The following METTL4 variants were observed in gnomAD, a reference collection of about 807,000 sequenced individuals.
The protein encoded by METTL4 is methyltransferase 4, N6-adenosine.
Under a neutral mutation model 54.0 loss-of-function variants are expected in METTL4, and 40 were observed. That is an observed-to-expected ratio of 0.74 (90% CI 0.58 to 0.96). The LOEUF (loss-of-function observed/expected upper bound fraction) is 0.96. METTL4 is among the 50% of genes least tolerant of loss of function. The probability of loss-of-function intolerance (pLI) is 0.00; values close to 1 mark genes in which losing one functional copy is unlikely to be tolerated. For synonymous variants in METTL4, 169 were observed against 183.8 expected (o/e 0.92, Z 0.65); for missense variants, 525 against 549.0 (o/e 0.96, Z 0.44).
chr18:2,552,965 T>A (rs1048846396), intron 4 of METTL4: 1 of 511,936 alleles, frequency 2.0e-6, no homozygotes. Flanking sequence ...TAGAATTGTA[T>A]CATAATGTTA....
At chr18:2,551,020 C>T (rs1459156415) in intron 5 of METTL4, among the ~76,000 whole-genome samples, 2 of 151,194 alleles carry the variant, frequency 1.3e-5, no homozygotes, top group East Asian at 1.9e-4. Flanking sequence ...AAAAATTAGC[C>T]GGGCGTGGTA....
chr18:2,555,099 G>T, intron 3 of METTL4, 61 bp from the exon 4 acceptor site: 1 of 1,472,456 alleles, frequency 6.8e-7, no homozygotes, highest in Non-Finnish European at 9.3e-7. Context: ...CATTGACTGT[G>T]CTTTGAATAT....
In METTL4 at chr18:2,567,140, A is replaced by G; in HGVS notation, c.77T>C (p.Leu26Pro). The G allele has an allele frequency of 1.2e-6, 2 of 1,614,110 alleles. No homozygotes were observed. The highest frequency in any genetic ancestry group is 1.7e-5 in the Admixed American group (1 of 60,010). Reference sequence around the variant, plus strand: ...GCAACAAGGTTCATGATGCTGGTGAAGTTGATAGTTTATCTTGTTGATAAA... The same window carrying G: ...GCAACAAGGTTCATGATGCTGGTGAGGTTGATAGTTTATCTTGTTGATAAA... ...LSFINKINYQLHQHHEPCCRK... is the reference protein window; with the variant it reads ...LSFINKINYQPHQHHEPCCRK... Residue 26 changes from leucine to proline, a missense_variant, in exon 2 of 9, where the codon CTT becomes CCT. By Grantham distance (98) the Leu-to-Pro change is moderately conservative (BLOSUM62 -3). Transcript: ENST00000574538.
At chr18:2,540,739 C>T in intron 8 of METTL4, 1 of 985,396 alleles carries the variant, frequency 1.0e-6, no homozygotes, top group Non-Finnish European at 1.2e-6. Context: ...CATTTTCTTC[C>T]CATGAATTTA....
At chr18:2,563,724 T>C in intron 3 of METTL4, 73 bp downstream of exon 3, 1 of 1,094,544 alleles carries the variant, frequency 9.1e-7, no homozygotes, top group South Asian at 1.5e-5. Context: ...AAAATCCTTA[T>C]TTATGTTGTC....
In METTL4 at chr18:2,554,660, A is replaced by C; in HGVS notation, c.829+9T>G. The C allele has an allele frequency of 6.3e-7, 1 of 1,583,792 alleles. No homozygotes were observed. The highest frequency in any genetic ancestry group is 8.5e-7 in the Non-Finnish European group (1 of 1,172,804). ...TCTTTTTCTAATAACAAACACAATAATTACTTACAGTTTAGAAGTGGTTGC... is the reference window on the plus strand; with the variant it reads ...TCTTTTTCTAATAACAAACACAATACTTACTTACAGTTTAGAAGTGGTTGC... On this transcript the variant is annotated intron_variant, in intron 4 of 8. Transcript: ENST00000574538.
Position 2,554,775 on chromosome 18 carries a change from G to A in METTL4, c.723C>T (p.Asn241=). The change falls in exon 4 of 9, where the codon AAC becomes AAT. Residue 241 remains asparagine, a synonymous_variant. Transcript: ENST00000574538. ...AAGTAATCACTTTTGTAAAGCTAGAGTTGTTTTCAACAACTCGCAAAAATA... is the reference window on the plus strand; with the variant it reads ...AAGTAATCACTTTTGTAAAGCTAGAATTGTTTTCAACAACTCGCAAAAATA... ...QDLFLRVVEN[N]SSFTKVITLM... is the part of the protein sequence containing the mutation. 6.2e-7 allele frequency: 1 copy of A among 1,613,862 alleles called. No individual in the cohort carries two copies. The highest frequency in any genetic ancestry group is 8.5e-7 in the Non-Finnish European group (1 of 1,179,872).
At chr18:2,558,043 C>G (rs2072263921) in intron 3 of METTL4, among the ~76,000 whole-genome samples, 1 of 152,176 alleles carries the variant, frequency 6.6e-6, no homozygotes, top group Non-Finnish European at 1.5e-5. Context: ...CACAGAAGTT[C>G]TGAAAAACAC....
At chr18:2,558,930 C>G (rs1194105057) in intron 3 of METTL4, among the ~76,000 whole-genome samples, 1 of 152,266 alleles carries the variant, frequency 6.6e-6, no homozygotes, top group African/African-American at 2.4e-5. Flanking sequence ...TGAGATACTA[C>G]TCCACACCTA....
chr18:2,564,794 T>C (rs2072377430), intron 2 of METTL4, among the ~76,000 whole-genome samples: 1 of 152,236 alleles, frequency 6.6e-6, no homozygotes, highest in Non-Finnish European at 1.5e-5. Flanking sequence ...TTCCATGTTA[T>C]AAGAAATTTA....
chr18:2,543,512 A>G (rs2072025371), intron 8 of METTL4, among the ~76,000 whole-genome samples: 1 of 152,184 alleles, frequency 6.6e-6, no homozygotes, highest in African/African-American at 2.4e-5. Flanking sequence ...TCACAACTCT[A>G]GAGGACTAAA....
chr18:2,549,321 A>G (rs559571823), intron 5 of METTL4, among the ~76,000 whole-genome samples: 2 of 152,114 alleles, frequency 1.3e-5, no homozygotes, highest in Admixed American at 1.3e-4. Context: ...TTTACCATCA[A>G]CCTACAAATA....
At chr18:2,545,415 T>C (rs1057071274) in intron 6 of METTL4, among the ~76,000 whole-genome samples, 1 of 152,120 alleles carries the variant, frequency 6.6e-6, no homozygotes, top group African/African-American at 2.4e-5. Context: ...ATAGTATCAT[T>C]AAACATTGTC....
intron 1 of METTL4, among the ~76,000 whole-genome samples, chr18:2,570,341 C>G (rs1479200884): frequency 6.6e-6 from 1 of 152,178 alleles, no homozygotes; most frequent in Non-Finnish European, 1.5e-5. Context: ...AAATTGCTAG[C>G]AGGACCACTA....
chr18:2,537,829 A>T lies in METTL4; in HGVS notation c.*1171T>A, dbSNP rs145295594. On this transcript the variant is annotated 3_prime_UTR_variant, in exon 9 of 9. Transcript: ENST00000574538. ...CCAGGCACAATAGATTACACATTGCATGATTCCATTTATATGAAATTCTCA... is the reference window on the plus strand; with the variant it reads ...CCAGGCACAATAGATTACACATTGCTTGATTCCATTTATATGAAATTCTCA... The T allele has an allele frequency of 4.8e-3, 1,932 of 398,498 alleles. 11 individuals carry two copies. Among genetic ancestry groups the T allele is most frequent in the Admixed American group, 9.2e-3 (208 of 22,724 alleles). The allele number at this position is 398,498 out of a possible 1,614,324, so 24.7% of individuals were successfully genotyped here.
In METTL4 at chr18:2,563,853, T is replaced by A. The variant is rs906077660; in HGVS notation, c.403A>T (p.Lys135Ter). Residue 135 changes from lysine (K) to a stop codon, truncating the protein, a stop_gained, in exon 3 of 9, where the codon AAA (lysine) becomes TAA (stop). Transcript: ENST00000574538. LOFTEE classifies it high-confidence loss of function. The stretch of plus-strand genomic sequence containing the variant: ...CCTTGATTGAAAACAACACATCTTT[T>A]ACGCTTCTAAAGGGTAGATCAATTA... Reference protein sequence around the residue: ...ISISIIGKKRKRCVVFNQGEL... With the variant: ...ISISIIGKKR The A allele has an allele frequency of 6.2e-7, 1 of 1,609,314 alleles. No homozygotes were observed. The highest frequency in any genetic ancestry group is 8.5e-7 in the Non-Finnish European group (1 of 1,177,716).
intron 3 of METTL4, among the ~76,000 whole-genome samples, chr18:2,555,803 TGTTGGTTGGTTG>T (rs35864755): frequency 6.6e-6 from 1 of 151,312 alleles, no homozygotes; most frequent in Admixed American, 6.6e-5. Context: ...TTGTTTGTTT[TGTTGGTTGGTTG>T]GTTGGTTGGT....
At chr18:2,560,772 G>A (rs188663506) in intron 3 of METTL4, among the ~76,000 whole-genome samples, 6 of 152,126 alleles carry the variant, frequency 3.9e-5, no homozygotes, top group African/African-American at 7.2e-5. Flanking sequence ...CCAGCTACTC[G>A]GGAGGCTGAG....
intron 8 of METTL4, 116 bp from the exon 9 acceptor site, chr18:2,539,261 A>G (rs2071957492): frequency 1.2e-6 from 1 of 838,654 alleles, no homozygotes; most frequent in East Asian, 2.6e-5. Context: ...AAGACAGCAA[A>G]TTAATTTCAA....
Sources: allele counts gnomAD v4.1 joint callset (sites outside exome capture counted in the v4.1 genomes callset), GRCh38; gene constraint gnomAD v4.1.1; transcripts MANE v1.5; gene names NCBI Gene and HGNC (gene_info 2026-07-23, HGNC 2026-07-21).